The following IL13RA1 variants were observed in gnomAD, a reference collection of about 807,000 sequenced individuals.
The protein encoded by IL13RA1 is interleukin-13 receptor subunit alpha-1.
Under a neutral mutation model 33.8 loss-of-function variants are expected in IL13RA1, and 14 were observed. The observed-to-expected ratio is 0.41, with a 90% CI of 0.27 to 0.65. The LOEUF is 0.65. IL13RA1 is among the 30% of genes least tolerant of loss of function. IL13RA1 has a pLI of 0.28. For missense variants in IL13RA1, 313 were observed against 327.0 expected, an observed-to-expected ratio of 0.96 and a Z score of 0.33; for synonymous variants, 116 against 115.7, an observed-to-expected ratio of 1.00 and a Z score of -0.02.
intron 4 of IL13RA1, among the ~76,000 whole-genome samples, chrX:118,755,150 T>C (rs1218400641): frequency 5.5e-5 from 6 of 109,542 alleles, no homozygotes; most frequent in Non-Finnish European, 9.5e-5. Flanking sequence ...GGTTTTACCA[T>C]GTTGGCCAGG....
chrX:118,757,552 A>G (rs2017544068), intron 4 of IL13RA1, among the ~76,000 whole-genome samples: 1 of 106,352 alleles, frequency 9.4e-6, no homozygotes, highest in East Asian at 2.9e-4. Context: ...AAAGCAGAAA[A>G]CAGTCTTTTC....
At chrX:118,784,638 C>A (rs1367141643) in intron 10 of IL13RA1, among the ~76,000 whole-genome samples, 1 of 111,534 alleles carries the variant, frequency 9.0e-6, no homozygotes, top group African/African-American at 3.3e-5. Flanking sequence ...TTTATGTCAA[C>A]ATTGCTCCAG....
chrX:118,743,205 T>G (rs1324652755), intron 2 of IL13RA1, among the ~76,000 whole-genome samples: 1 of 111,926 alleles, frequency 8.9e-6, no homozygotes, highest in Non-Finnish European at 1.9e-5. Context: ...AATTTTCCTC[T>G]CCTCTTTCTG....
chrX:118,770,903 T>C (rs1007266410), intron 8 of IL13RA1: 4 of 253,697 alleles, frequency 1.6e-5, no homozygotes, highest in Non-Finnish European at 7.3e-6. Flanking sequence ...CTTACCAAAA[T>C]TCTGCAAGCT....
chrX:118,775,018 T>TAC (rs910442915), intron 9 of IL13RA1, among the ~76,000 whole-genome samples: 70 of 110,121 alleles, frequency 6.4e-4, no homozygotes, highest in African/African-American at 1.9e-3. Context: ...CACATGCACA[T>TAC]ACACACACAC....
chrX:118,763,034 T>C (rs916856996), intron 6 of IL13RA1, among the ~76,000 whole-genome samples: 2 of 110,720 alleles, frequency 1.8e-5, no homozygotes, highest in African/African-American at 3.3e-5. Flanking sequence ...GGGGCTGTGG[T>C]GGGAGGAGGG....
At chrX:118,748,003 T>TG (rs1173916368) in intron 3 of IL13RA1, among the ~76,000 whole-genome samples, 55 of 42,973 alleles carry the variant, frequency 1.3e-3, no homozygotes, top group African/African-American at 5.6e-3. Flanking sequence ...AAAGAGTGAA[T>TG]GTTGTGTGTG....
At chrX:118,780,732 A>G (rs2017834053) in intron 10 of IL13RA1, among the ~76,000 whole-genome samples, 1 of 111,894 alleles carries the variant, frequency 8.9e-6, no homozygotes, top group African/African-American at 3.2e-5. Flanking sequence ...CTATGACCCA[A>G]ACACTTCCCA....
chrX:118,758,295 T>G, intron 5 of IL13RA1, 53 bp downstream of exon 5: 1 of 510,513 alleles, frequency 2.0e-6, no homozygotes, highest in Non-Finnish European at 3.2e-6. Flanking sequence ...TGTTATATCT[T>G]TTGCACAATC....
chrX:118,749,556 A>G (rs2017447623), intron 3 of IL13RA1, 102 bp from the exon 4 acceptor site: 1 of 785,802 alleles, frequency 1.3e-6, no homozygotes, highest in Non-Finnish European at 1.9e-6. Context: ...CTTTCTGACA[A>G]AGCAGCATGA....
At chrX:118,771,519 C>T (rs1360323192) in intron 8 of IL13RA1, among the ~76,000 whole-genome samples, 1 of 112,480 alleles carries the variant, frequency 8.9e-6, no homozygotes, top group Non-Finnish European at 1.9e-5. Flanking sequence ...TTGGAAATCA[C>T]TACCCTGAAC....
downstream of IL13RA1, among the ~76,000 whole-genome samples, chrX:118,799,212 T>C (rs1414327082): frequency 8.8e-6 from 1 of 113,324 alleles, no homozygotes; most frequent in African/African-American, 3.2e-5. Flanking sequence ...GCTCGGGACC[T>C]GCAGCCCTCC....
At position 118,732,757 on chromosome X, in the gene IL13RA1, G is replaced by A. The variant is rs549602655; in HGVS notation, c.88+5031G>A. ...ACTCATCCTTTTTTATGACTGCATA[G>A]TATTCCATGGTGTATATGTGCCACA... On this transcript the variant is annotated intron_variant, in intron 1 of 10. Coordinates refer to ENST00000371666, the MANE Select transcript of IL13RA1 (RefSeq NM_001560.3). 1.1e-4 allele frequency among the ~76,000 whole-genome samples: 12 copies of A among 112,030 alleles called. No homozygotes were observed. The South Asian group carries it at 4.4e-3, about 41-fold the overall frequency.
chrX:118,732,916 G>C (rs1290113842), intron 1 of IL13RA1, among the ~76,000 whole-genome samples: 1 of 111,675 alleles, frequency 9.0e-6, no homozygotes, highest in Non-Finnish European at 1.9e-5. Flanking sequence ...TGTCTTTTTT[G>C]TGACTGACTT....
intron 10 of IL13RA1, among the ~76,000 whole-genome samples, chrX:118,782,407 T>C (rs3121672): frequency 0.17 from 18,536 of 110,833 alleles, 1,454 homozygotes; most frequent in East Asian, 0.43. Context: ...CAGGTATCTA[T>C]AAAGCGCTGC....
chrX:118,782,899 G>T (rs1174214997), intron 10 of IL13RA1, among the ~76,000 whole-genome samples: 1 of 111,132 alleles, frequency 9.0e-6, no homozygotes, highest in African/African-American at 3.3e-5. Context: ...ACCGTGCTGA[G>T]CCTCAACTTG....
intron 8 of IL13RA1, chrX:118,770,171 G>A (rs761636642): frequency 8.4e-5 from 23 of 274,406 alleles, no homozygotes; most frequent in African/African-American, 3.6e-4. Flanking sequence ...TGGAGTGTCC[G>A]CGACAACGCG....
At chrX:118,788,002 G>A (rs2017938023) in intron 10 of IL13RA1, among the ~76,000 whole-genome samples, 1 of 111,950 alleles carries the variant, frequency 8.9e-6, no homozygotes, top group Non-Finnish European at 1.9e-5. Context: ...AGTAAAGATA[G>A]GCATAGGAAG....
chrX:118,761,075 CTG>C, intron 5 of IL13RA1, 61 bp from the exon 6 acceptor site: 2 of 495,703 alleles, frequency 4.0e-6, no homozygotes, highest in Middle Eastern at 8.5e-4. Context: ...GGAGGGCCGA[CTG>C]TGTGTTTGTG....
Sources: allele counts gnomAD v4.1 joint callset (sites outside exome capture counted in the v4.1 genomes callset), GRCh38; gene constraint gnomAD v4.1.1; transcripts MANE v1.5; gene names NCBI Gene and HGNC (gene_info 2026-07-23, HGNC 2026-07-21).